Variants in GPBAR1 observed in about 807,000 individuals in gnomAD.
The protein encoded by GPBAR1 is G-protein coupled bile acid receptor 1.
Under a neutral mutation model 13.0 loss-of-function variants are expected in GPBAR1, and 13 were observed. That is an observed-to-expected ratio of 1.00 (90% CI 0.65 to 1.59). GPBAR1 has a LOEUF of 1.59. GPBAR1 is among the 40% of genes most tolerant of loss of function. The pLI is 0.00. For missense variants in GPBAR1, 398 were observed against 436.4 expected (o/e 0.91, Z 0.78); for synonymous variants, 193 against 205.2 (o/e 0.94, Z 0.51).
At chr2:218,261,882 G>A (rs1053335909) in intron 1 of GPBAR1, among the ~76,000 whole-genome samples, 4 of 152,120 alleles carry the variant, frequency 2.6e-5, no homozygotes, top group African/African-American at 4.8e-5. Flanking sequence ...AGGGAATGAC[G>A]GGAAGGACAG....
At position 218,263,614 on chromosome 2, in the gene GPBAR1, G is replaced by A. The variant is rs757886549; in HGVS notation, c.890G>A (p.Arg297Lys). 1.7e-5 allele frequency: 28 copies of A among 1,612,792 alleles called. No individual in the cohort carries two copies. The South Asian group carries it at 2.9e-4, about 16-fold the overall frequency. ...GCCCCCTGGAGGGCAGCCGCCCAAA[G>A]GTGCCTGCAGGGGCTGTGGGGAAGA... ...YTAPWRAAAQ[R>K]CLQGLWGRAS... The change falls in exon 2 of 2, where the codon AGG becomes AAG. Residue 297 changes from arginine (R) to lysine (K), a missense_variant. Physicochemically the swap from Arg to Lys is conservative, Grantham distance 26 (BLOSUM62 2). Coordinates refer to ENST00000519574, the MANE Select transcript of GPBAR1 (RefSeq NM_170699.3). This position sits in a 1 kb window ranked among gnomAD's most constrained non-coding sequence, Gnocchi z 4.2.
At position 218,262,264 on chromosome 2, in the gene GPBAR1, C is replaced by T. The variant is rs1466121032; in HGVS notation, c.-45-416C>T. 1 of 163,482 alleles carries T rather than the reference C, an allele frequency of 6.1e-6. No individual in the cohort carries two copies. Among genetic ancestry groups the T allele is most frequent in the Non-Finnish European group, 1.3e-5 (1 of 74,246 alleles). 10.1% of individuals were successfully genotyped at this position (163,482 alleles called of 1,614,324 possible). The stretch of plus-strand genomic sequence containing the variant: ...CACTACACACCAGCCAGCCCTGGTC[C>T]ATTCTCTCATTTAGAGGCCTCCCCG... On this transcript the variant is annotated intron_variant, in intron 1 of 1. Coordinates refer to ENST00000519574, the MANE Select transcript of GPBAR1 (RefSeq NM_170699.3). This position sits in a 1 kb window ranked among gnomAD's most constrained non-coding sequence, Gnocchi z 5.1.
chr2:218,262,687 G>A lies in GPBAR1; in HGVS notation c.-38G>A, dbSNP rs200717262. ...GGCCACCCCATCCTGCAGGCATGCC[G>A]GCTGCCGCTCCAGGACTCCCCTGTC... On this transcript the variant is annotated 5_prime_UTR_variant, in exon 2 of 2. Transcript: ENST00000519574. The surrounding 1 kb of genome is among the most constrained non-coding windows in gnomAD (Gnocchi z 5.1). 72 of 1,509,818 alleles carry A rather than the reference G, an allele frequency of 4.8e-5. No homozygotes were observed. Among genetic ancestry groups the A allele is most frequent in the African/African-American group, 2.1e-4 (15 of 72,504 alleles). 93.5% of individuals were successfully genotyped at this position (1,509,818 alleles called of 1,614,324 possible).
chr2:218,262,929 C>A lies in GPBAR1; in HGVS notation c.205C>A (p.Pro69Thr), dbSNP rs1690473254. The change falls in exon 2 of 2, where the codon CCC (proline) becomes ACC (threonine). Residue 69 changes from proline (P) to threonine (T), a missense_variant. Coordinates refer to ENST00000519574, the MANE Select transcript of GPBAR1 (RefSeq NM_170699.3). The surrounding 1 kb of genome is among the most constrained non-coding windows in gnomAD (Gnocchi z 5.1). Reference sequence around the variant, plus strand: ...TGGGCTGCTCACGGGTCTGGCATTGCCCACATTGCCAGGGCTGTGGAACCA... The same window carrying A: ...TGGGCTGCTCACGGGTCTGGCATTGACCACATTGCCAGGGCTGTGGAACCA... ...LAGLLTGLAL[P>T]TLPGLWNQSR... 6.2e-7 allele frequency: 1 copy of A among 1,613,696 alleles called. No individual in the cohort carries two copies.
rs550649048 is a variant in GPBAR1, at chr2:218,262,711, T to C, written c.-14T>C. On this transcript the variant is annotated 5_prime_UTR_variant, in exon 2 of 2. Transcript: ENST00000519574. This position sits in a 1 kb window ranked among gnomAD's most constrained non-coding sequence, Gnocchi z 5.1. ...CGGCTGCCGCTCCAGGACTCCCCTGTCCCCAGGACCAAGATGACGCCCAAC... is the reference window on the plus strand; with the variant it reads ...CGGCTGCCGCTCCAGGACTCCCCTGCCCCCAGGACCAAGATGACGCCCAAC... 1.3e-6 allele frequency: 2 copies of C among 1,560,656 alleles called. No homozygotes were observed. Among genetic ancestry groups the C allele is most frequent in the Non-Finnish European group, 8.7e-7 (1 of 1,153,688 alleles).
At chr2:218,259,984 A>G (rs1029103146), upstream of GPBAR1, 4 of 152,272 alleles carry the variant, frequency 2.6e-5, no homozygotes, top group African/African-American at 9.7e-5. Context: ...TTCCCTGTGC[A>G]GCAAGAGTGT....
In GPBAR1 at chr2:218,262,858, T is replaced by A; in HGVS notation, c.134T>A (p.Leu45Gln). The A allele has an allele frequency of 6.2e-7, 1 of 1,613,786 alleles. No individual in the cohort carries two copies. Among genetic ancestry groups the A allele is most frequent in the South Asian group, 1.1e-5 (1 of 91,046 alleles). Residue 45 changes from leucine (L) to glutamine (Q), a missense_variant, in exon 2 of 2, where the codon CTG (leucine) becomes CAG (glutamine). Physicochemically the swap from Leu to Gln is moderately radical, Grantham distance 113. Transcript: ENST00000519574. This position sits in a 1 kb window ranked among gnomAD's most constrained non-coding sequence, Gnocchi z 5.1. ...CTGGGCATCGCCTGGGACCGCCGCC[T>A]GCGCAGCCCACCTGCTGGCTGCTTC... ...LALGIAWDRR[L>Q]RSPPAGCFFL...
chr2:218,262,486 C>T lies in GPBAR1; in HGVS notation c.-45-194C>T, dbSNP rs1663648026. 7.1e-6 allele frequency: 4 copies of T among 562,858 alleles called. No individual in the cohort carries two copies. In the Admixed American group the frequency reaches 9.6e-5, roughly 14 times the overall value. The allele number at this position is 562,858 out of a possible 1,614,324, so 34.9% of individuals were successfully genotyped here. On this transcript the variant is annotated intron_variant, in intron 1 of 1. Transcript: ENST00000519574. This position sits in a 1 kb window ranked among gnomAD's most constrained non-coding sequence, Gnocchi z 5.1. ...CACACAGGACATATGTGTTGCCAGACCTGAATTTTCAATAGAAACCAAAGA... is the reference window on the plus strand; with the variant it reads ...CACACAGGACATATGTGTTGCCAGATCTGAATTTTCAATAGAAACCAAAGA...
upstream of GPBAR1, among the ~76,000 whole-genome samples, chr2:218,260,703 CG>C (rs755759783): frequency 2.6e-5 from 4 of 152,194 alleles, no homozygotes; most frequent in Non-Finnish European, 4.4e-5. Context: ...CCATCACACA[CG>C]GAAGTGTGGA....
intron 1 of GPBAR1, among the ~76,000 whole-genome samples, chr2:218,261,432 C>G (rs1184542706): frequency 6.6e-6 from 1 of 152,116 alleles, no homozygotes; most frequent in African/African-American, 2.4e-5. Flanking sequence ...CAGCTCAGGC[C>G]AGGTTTGGGG....
Position 218,262,648 on chromosome 2 carries a change from C to T in GPBAR1, c.-45-32C>T. 1 of 1,425,586 alleles carries T rather than the reference C, an allele frequency of 7.0e-7. No individual in the cohort carries two copies. 88.3% of individuals were successfully genotyped at this position (1,425,586 alleles called of 1,614,324 possible). ...CTGCCAGGAGGACACGACCTGCAGC[C>T]CCATCCTAACTCTGGCCACCCCATC... is the stretch of plus-strand genomic sequence containing the variant. On this transcript the variant is annotated intron_variant, in intron 1 of 1. Coordinates refer to ENST00000519574, the MANE Select transcript of GPBAR1 (RefSeq NM_170699.3). This position sits in a 1 kb window ranked among gnomAD's most constrained non-coding sequence, Gnocchi z 5.1.
intron 1 of GPBAR1, among the ~76,000 whole-genome samples, chr2:218,261,694 G>A (rs1329811185): frequency 6.6e-6 from 1 of 152,098 alleles, no homozygotes; most frequent in South Asian, 2.1e-4. Context: ...CAGCCATGGG[G>A]CCCTGATCCC....
At position 218,262,466 on chromosome 2, in the gene GPBAR1, A is replaced by G; in HGVS notation, c.-45-214A>G. ...GAGCTCCGGCTGGTTGCTACCACAC[A>G]GGACATATGTGTTGCCAGACCTGAA... On this transcript the variant is annotated intron_variant, in intron 1 of 1. Transcript: ENST00000519574. The surrounding 1 kb of genome is among the most constrained non-coding windows in gnomAD (Gnocchi z 5.1). 2 of 497,318 alleles carry G rather than the reference A, an allele frequency of 4.0e-6. No individual in the cohort carries two copies. Among genetic ancestry groups the G allele is most frequent in the Non-Finnish European group, 7.1e-6 (2 of 280,834 alleles). 30.8% of individuals were successfully genotyped at this position (497,318 alleles called of 1,614,324 possible).
chr2:218,260,387 C>G (rs997466313), upstream of GPBAR1, among the ~76,000 whole-genome samples: 1 of 152,220 alleles, frequency 6.6e-6, no homozygotes, highest in African/African-American at 2.4e-5. Context: ...GGGCCATGCA[C>G]TGGGGTATAT....
Position 218,262,652 on chromosome 2 carries a change from T to A in GPBAR1, c.-45-28T>A. On this transcript the variant is annotated intron_variant, in intron 1 of 1. Coordinates refer to ENST00000519574, the MANE Select transcript of GPBAR1 (RefSeq NM_170699.3). The surrounding 1 kb of genome is among the most constrained non-coding windows in gnomAD (Gnocchi z 5.1). The stretch of plus-strand genomic sequence containing the variant: ...CAGGAGGACACGACCTGCAGCCCCA[T>A]CCTAACTCTGGCCACCCCATCCTGC... 6.9e-7 allele frequency: 1 copy of A among 1,444,610 alleles called. No individual in the cohort carries two copies. The highest frequency in any genetic ancestry group is 9.1e-7 in the Non-Finnish European group (1 of 1,095,546). 89.5% of individuals were successfully genotyped at this position (1,444,610 alleles called of 1,614,324 possible).
At chr2:218,259,772 A>G (rs1040363940), upstream of GPBAR1, 1 of 152,102 alleles carries the variant, frequency 6.6e-6, no homozygotes, top group Non-Finnish European at 1.5e-5. Context: ...GTGTTTCCTA[A>G]TGTCTCACCC....
rs1690544347 is a variant in GPBAR1, at chr2:218,263,825, C to T, written c.*108C>T. ...GATCAGAGACCCTGCCTCTGTTTGA[C>T]CCCGCACTGACTGAATAAAGCTCCT... On this transcript the variant is annotated 3_prime_UTR_variant, in exon 2 of 2. Coordinates refer to ENST00000519574, the MANE Select transcript of GPBAR1 (RefSeq NM_170699.3). This position sits in a 1 kb window ranked among gnomAD's most constrained non-coding sequence, Gnocchi z 4.2. 1.5e-6 allele frequency: 2 copies of T among 1,305,568 alleles called. No individual in the cohort carries two copies. Among genetic ancestry groups the T allele is most frequent in the Non-Finnish European group, 2.2e-6 (2 of 906,930 alleles). 80.9% of individuals were successfully genotyped at this position (1,305,568 alleles called of 1,614,324 possible).
At chr2:218,259,788 C>T (rs1690368464), upstream of GPBAR1, 1 of 152,350 alleles carries the variant, frequency 6.6e-6, no homozygotes, top group South Asian at 2.1e-4. Flanking sequence ...CACCCCCAGT[C>T]CCAGCTTTCC....
chr2:218,262,744 G>T lies in GPBAR1; in HGVS notation c.20G>T (p.Gly7Val). The part of the protein sequence containing the change: MTPNST[G>V]EVPSPIPKGA... ...ACCAAGATGACGCCCAACAGCACTG[G>T]CGAGGTGCCCAGCCCCATTCCCAAG... The change falls in exon 2 of 2, where the codon GGC becomes GTC. Residue 7 changes from glycine (G) to valine (V), a missense_variant. Coordinates refer to ENST00000519574, the MANE Select transcript of GPBAR1 (RefSeq NM_170699.3). The surrounding 1 kb of genome is among the most constrained non-coding windows in gnomAD (Gnocchi z 5.1). The T allele has an allele frequency of 1.3e-6, 2 of 1,599,242 alleles. No homozygotes were observed.
Sources: gnomAD v4.1 joint callset for allele counts (sites outside exome capture counted in the v4.1 genomes callset) on GRCh38, gnomAD v4.1.1 for gene constraint, Gnocchi (gnomAD v3.1) non-coding constraint, MANE v1.5 for transcripts, NCBI Gene and HGNC (gene_info 2026-07-23, HGNC 2026-07-21) for gene names.